MGME1: variants seen among roughly 807,000 people sequenced by gnomAD.
MGME1 encodes mitochondrial genome maintenance exonuclease 1.
A neutral mutation model predicts 33.0 loss-of-function variants in MGME1; 22 were observed. The observed-to-expected ratio is 0.67, with a 90% CI of 0.48 to 0.95. MGME1 has a LOEUF of 0.95. Among genes scored for constraint, MGME1 ranks in the 40% least tolerant of loss-of-function variants. MGME1 has a pLI of 0.00. For missense variants in MGME1, 383 were observed against 397.8 expected (o/e 0.96, Z 0.32); for synonymous variants, 133 against 144.0 (o/e 0.92, Z 0.55).
At chr20:17,971,664 G>C (rs1368469165) in intron 2 of MGME1, among the ~76,000 whole-genome samples, 7 of 152,058 alleles carry the variant, frequency 4.6e-5, no homozygotes. Flanking sequence ...ATGTGAATGA[G>C]CCCCAATAGC....
At chr20:17,971,117 A>G (rs2035717123) in intron 2 of MGME1, among the ~76,000 whole-genome samples, 1 of 152,186 alleles carries the variant, frequency 6.6e-6, no homozygotes, top group African/African-American at 2.4e-5. Flanking sequence ...AAACTCTTTC[A>G]TTTTTGTTTT....
Position 17,990,046 on chromosome 20 carries a change from A to T in MGME1, c.972A>T (p.Arg324=). 6.2e-7 allele frequency: 1 copy of T among 1,614,116 alleles called. No homozygotes were observed. Among genetic ancestry groups the T allele is most frequent in the Non-Finnish European group, 8.5e-7 (1 of 1,179,998 alleles). The stretch of plus-strand genomic sequence containing the variant: ...AGTACTGGACCAAGTGGCTTCTTCG[A>T]CTAGAAGAATATACGGAAAAGAAAA... ...CSQYWTKWLL[R]LEEYTEKKKN... Residue 324 remains arginine (R), a synonymous_variant, in exon 5 of 5, where the codon CGA becomes CGT. Transcript: ENST00000377710.
chr20:17,990,282 A>G lies in MGME1; in HGVS notation c.*173A>G, dbSNP rs574324745. Reference sequence around the variant, plus strand: ...TTACCAAAAAGACTGAAAAGCCCCAAAGTCTAGATATAAAGACCTAGACTT... The same window carrying G: ...TTACCAAAAAGACTGAAAAGCCCCAGAGTCTAGATATAAAGACCTAGACTT... On this transcript the variant is annotated 3_prime_UTR_variant, in exon 5 of 5. Transcript: ENST00000377710. The G allele has an allele frequency of 3.0e-6, 2 of 660,998 alleles. No individual in the cohort carries two copies. Among genetic ancestry groups the G allele is most frequent in the East Asian group, 2.7e-5 (1 of 36,814 alleles). 40.9% of individuals were successfully genotyped at this position (660,998 alleles called of 1,614,324 possible).
rs569109710 is a variant in MGME1 at position 17,989,987 on chromosome 20, C to T, written c.913C>T (p.His305Tyr). Residue 305 changes from histidine (H) to tyrosine (Y), a missense_variant, in exon 5 of 5, where the codon CAC becomes TAC. Physicochemically the swap from His to Tyr is moderately conservative, Grantham distance 83. Transcript: ENST00000377710. ...VVAYKDGSPA[H>Y]PHFMDAELCS... ...GGCCTACAAAGATGGATCACCTGCC[C>T]ACCCACATTTCATGGATGCAGAGCT... 9 of 1,614,128 alleles carry T rather than the reference C, an allele frequency of 5.6e-6. No homozygotes were observed. In the East Asian group the frequency reaches 2.0e-4, roughly 36 times the overall value.
At chr20:17,976,170 C>G (rs552083251) in intron 3 of MGME1, among the ~76,000 whole-genome samples, 2 of 152,300 alleles carry the variant, frequency 1.3e-5, no homozygotes, top group Admixed American at 1.3e-4. Flanking sequence ...GTCACCCAAG[C>G]TGGAGTGCAG....
intron 3 of MGME1, among the ~76,000 whole-genome samples, chr20:17,987,189 A>AAGG (rs1555791612): frequency 6.9e-6 from 1 of 145,408 alleles, no homozygotes; most frequent in African/African-American, 2.6e-5. Context: ...AAAAAAAAAA[A>AAGG]GAAGAACCAG....
chr20:17,981,185 T>C (rs1433787496), intron 3 of MGME1, among the ~76,000 whole-genome samples: 2 of 152,148 alleles, frequency 1.3e-5, no homozygotes, highest in East Asian at 3.9e-4. Flanking sequence ...TAATGCTATG[T>C]ATAATACACA....
chr20:17,984,228 T>C (rs1471430491), intron 3 of MGME1, among the ~76,000 whole-genome samples: 1 of 152,186 alleles, frequency 6.6e-6, no homozygotes, highest in Non-Finnish European at 1.5e-5. Flanking sequence ...ATGGTTTTGT[T>C]TCTGGGCTAT....
chr20:17,974,068 T>G (rs941057148), intron 2 of MGME1, among the ~76,000 whole-genome samples: 2 of 141,412 alleles, frequency 1.4e-5, no homozygotes, highest in Admixed American at 7.0e-5. Context: ...TGTGTTTTTT[T>G]TTTTTTTTTT....
In MGME1 at chr20:17,970,309, G is replaced by A; in HGVS notation, c.450G>A (p.Glu150=). The change falls in exon 2 of 5, where the codon GAG becomes GAA. Residue 150 remains glutamate, a synonymous_variant. Coordinates refer to ENST00000377710, the MANE Select transcript of MGME1 (RefSeq NM_052865.4). The part of the protein sequence containing the change: ...TMTKQQVFLL[E]RWKQRMILEL... ...CAAAACAACAGGTTTTCTTGTTGGA[G>A]AGGTGGAAACAGCGGATGATTCTGG... 1.2e-6 allele frequency: 2 copies of A among 1,614,204 alleles called. No homozygotes were observed. The highest frequency in any genetic ancestry group is 1.7e-6 in the Non-Finnish European group (2 of 1,180,036).
intron 3 of MGME1, among the ~76,000 whole-genome samples, chr20:17,982,318 C>T (rs1257699139): frequency 6.6e-6 from 1 of 152,010 alleles, no homozygotes; most frequent in African/African-American, 2.4e-5. Flanking sequence ...CAGGGTTTCA[C>T]CATGTTGGCC....
chr20:17,981,946 C>T (rs1209628768), intron 3 of MGME1, among the ~76,000 whole-genome samples: 1 of 151,864 alleles, frequency 6.6e-6, no homozygotes, highest in African/African-American at 2.4e-5. Flanking sequence ...AGCCACTGCA[C>T]CTGGCCCTAC....
intron 2 of MGME1, among the ~76,000 whole-genome samples, chr20:17,971,261 A>G (rs910904): frequency 0.27 from 40,720 of 152,042 alleles, 5,797 homozygotes; most frequent in East Asian, 0.43. Flanking sequence ...CTAAGTATAT[A>G]TAGGTGGTAT....
At chr20:17,982,787 CAATAAT>C (rs1231539960) in intron 3 of MGME1, among the ~76,000 whole-genome samples, 1 of 152,070 alleles carries the variant, frequency 6.6e-6, no homozygotes, top group Non-Finnish European at 1.5e-5. Flanking sequence ...TTTTGACTGA[CAATAAT>C]TATATATATT....
chr20:17,984,977 C>T (rs2036117716), intron 3 of MGME1, among the ~76,000 whole-genome samples: 1 of 138,900 alleles, frequency 7.2e-6, no homozygotes, highest in South Asian at 2.2e-4. Flanking sequence ...GTGGGGGTTG[C>T]AGTGAACCAA....
chr20:17,989,810 C>G, intron 4 of MGME1, 129 bp from the exon 5 acceptor site: 1 of 799,450 alleles, frequency 1.3e-6, no homozygotes, highest in South Asian at 1.8e-5. Flanking sequence ...ATCAACCTAC[C>G]TTAGAAACTG....
rs1215245507 is a variant in MGME1 at position 17,988,247 on chromosome 20, A to T, written c.813A>T (p.Gln271His). Residue 271 changes from glutamine to histidine, a missense_variant, in exon 4 of 5, where the codon CAA (glutamine) becomes CAT (histidine). Gln to His is a conservative substitution (Grantham distance 24, BLOSUM62 0). Coordinates refer to ENST00000377710, the MANE Select transcript of MGME1 (RefSeq NM_052865.4). ...AAAGTACATTTGACAACCCACTGCA[A>T]GTTGTGGCATACATGGGTGCCATGA... Reference protein sequence around the residue: ...FIQSTFDNPLQVVAYMGAMNH... With the variant: ...FIQSTFDNPLHVVAYMGAMNH... 1 of 1,614,124 alleles carries T rather than the reference A, an allele frequency of 6.2e-7. No homozygotes were observed. Among genetic ancestry groups the T allele is most frequent in the Non-Finnish European group, 8.5e-7 (1 of 1,179,984 alleles).
intron 2 of MGME1, among the ~76,000 whole-genome samples, chr20:17,972,034 G>A (rs1336371140): frequency 6.6e-6 from 1 of 152,170 alleles, no homozygotes; most frequent in Non-Finnish European, 1.5e-5. Context: ...ACTGTGCCCA[G>A]GCAGAATCAC....
At position 17,975,862 on chromosome 20, in the gene MGME1, C is replaced by T; in HGVS notation, c.690C>T (p.Thr230=). 2 of 1,614,078 alleles carry T rather than the reference C, an allele frequency of 1.2e-6. No homozygotes were observed. Among genetic ancestry groups the T allele is most frequent in the Non-Finnish European group, 1.7e-6 (2 of 1,180,010 alleles). Residue 230 remains threonine (T), a synonymous_variant, in exon 3 of 5, where the codon ACC becomes ACT. Transcript: ENST00000377710. ...TTGAAAGTGCTGTTCAACATGAAAC[C>T]TTAAACTATATAGGTCTGCTGGACT... ...RALESAVQHE[T]LNYIGLLDCV...
Sources: allele counts gnomAD v4.1 joint callset (sites outside exome capture counted in the v4.1 genomes callset), GRCh38; gene constraint gnomAD v4.1.1; transcripts MANE v1.5; gene names NCBI Gene and HGNC (gene_info 2026-07-23, HGNC 2026-07-21).